Variants in PDS5A observed in about 807,000 individuals in gnomAD.
The protein encoded by PDS5A is sister chromatid cohesion protein PDS5 homolog A.
Under a neutral mutation model 167.1 loss-of-function variants are expected in PDS5A, and 42 were observed. The observed-to-expected ratio is 0.25, with a 90% CI of 0.20 to 0.33. The LOEUF is 0.33. Among genes scored for constraint, PDS5A ranks in the 10% least tolerant of loss-of-function variants. The pLI is 1.00. For missense variants in PDS5A, 1,033 were observed against 1,605.9 expected, an observed-to-expected ratio of 0.64 and a Z score of 6.10; for synonymous variants, 553 against 554.6, an observed-to-expected ratio of 1.00 and a Z score of 0.04.
intron 2 of PDS5A, among the ~76,000 whole-genome samples, chr4:39,960,267 T>C (rs568547892): frequency 6.6e-6 from 1 of 151,996 alleles, no homozygotes; most frequent in Non-Finnish European, 1.5e-5. Context: ...AGACTCTGTC[T>C]CAAAAAACAA....
chr4:39,849,111 C>T, intron 27 of PDS5A, 141 bp from the exon 28 acceptor site: 1 of 668,796 alleles, frequency 1.5e-6, no homozygotes, highest in South Asian at 2.0e-5. Context: ...TATTTCTGTT[C>T]AGCACTGTTT....
chr4:39,946,028 G>A (rs1169304035), intron 2 of PDS5A, among the ~76,000 whole-genome samples: 2 of 151,744 alleles, frequency 1.3e-5, no homozygotes, highest in Admixed American at 6.6e-5. Flanking sequence ...CCAACAAGGC[G>A]AAACCTCGTC....
chr4:39,953,920 A>G (rs1348794430), intron 2 of PDS5A, among the ~76,000 whole-genome samples: 1 of 152,190 alleles, frequency 6.6e-6, no homozygotes, highest in African/African-American at 2.4e-5. Flanking sequence ...TTAAAAGTTC[A>G]TGGGAAACTT....
chr4:39,907,882 G>A (rs11097007), intron 11 of PDS5A, among the ~76,000 whole-genome samples: 37,353 of 152,020 alleles, frequency 0.25, 5,048 homozygotes, highest in East Asian at 0.44. Flanking sequence ...CACCGCGCCC[G>A]GCAATCCATT....
intron 2 of PDS5A, among the ~76,000 whole-genome samples, chr4:39,929,282 C>A (rs1285574009): frequency 9.9e-5 from 15 of 151,818 alleles, no homozygotes. Context: ...GGCAGGTCCA[C>A]TGTTAAGCTG....
At chr4:39,839,614 T>C (rs1023776886) in intron 31 of PDS5A, among the ~76,000 whole-genome samples, 1 of 151,980 alleles carries the variant, frequency 6.6e-6, no homozygotes, top group Non-Finnish European at 1.5e-5. Flanking sequence ...AGAGTTTGGA[T>C]AGGAAAAGTT....
At chr4:39,926,935 T>C in intron 3 of PDS5A, 74 bp from the exon 4 acceptor site, 3 of 1,193,916 alleles carry the variant, frequency 2.5e-6, no homozygotes, top group Non-Finnish European at 2.2e-6. Flanking sequence ...TATGTAACTT[T>C]ATTATTTGTG....
At chr4:39,912,387 G>A (rs993239300) in intron 9 of PDS5A, among the ~76,000 whole-genome samples, 8 of 152,178 alleles carry the variant, frequency 5.3e-5, no homozygotes, top group African/African-American at 1.9e-4. Flanking sequence ...TCCTGGGATA[G>A]GGAATTCCTC....
At chr4:39,904,337 A>T (rs1325720402) in intron 11 of PDS5A, 146 bp from the exon 12 acceptor site, 2 of 475,052 alleles carry the variant, frequency 4.2e-6, no homozygotes, top group Non-Finnish European at 7.2e-6. Flanking sequence ...AGGCTTTACA[A>T]ACAATTTTAT....
chr4:39,921,087 C>T (rs962805252), intron 6 of PDS5A, among the ~76,000 whole-genome samples: 1 of 152,124 alleles, frequency 6.6e-6, no homozygotes, highest in Non-Finnish European at 1.5e-5. Flanking sequence ...AACACCTCTT[C>T]CAAAACAAGG....
intron 31 of PDS5A, among the ~76,000 whole-genome samples, chr4:39,838,909 C>T (rs558270265): frequency 6.6e-6 from 1 of 151,926 alleles, no homozygotes; most frequent in Non-Finnish European, 1.5e-5. Context: ...ATCCCAGCTA[C>T]TCAGGAGGCT....
chr4:39,927,451 C>A (rs994927206), intron 3 of PDS5A, among the ~76,000 whole-genome samples: 1 of 152,082 alleles, frequency 6.6e-6, no homozygotes, highest in Non-Finnish European at 1.5e-5. Context: ...AAGCAGTCTA[C>A]AGGATTAAAA....
At chr4:39,959,067 C>G (rs1729232018) in intron 2 of PDS5A, among the ~76,000 whole-genome samples, 1 of 152,184 alleles carries the variant, frequency 6.6e-6, no homozygotes, top group Non-Finnish European at 1.5e-5. Context: ...AATCAAAATT[C>G]TTAGTGATCT....
At chr4:39,896,220 T>A (rs1000696086) in intron 16 of PDS5A, among the ~76,000 whole-genome samples, 2 of 151,470 alleles carry the variant, frequency 1.3e-5, no homozygotes, top group Non-Finnish European at 2.9e-5. Flanking sequence ...TTTTCTTTAA[T>A]GTTTTGTAGA....
chr4:39,918,599 A>G (rs969990663), intron 7 of PDS5A, among the ~76,000 whole-genome samples: 4 of 152,194 alleles, frequency 2.6e-5, no homozygotes, highest in Admixed American at 6.5e-5. Context: ...CACACCTGTA[A>G]TCGCAGTACT....
At chr4:39,944,939 AC>A (rs1235067189) in intron 2 of PDS5A, among the ~76,000 whole-genome samples, 1 of 152,010 alleles carries the variant, frequency 6.6e-6, no homozygotes, top group Non-Finnish European at 1.5e-5. Flanking sequence ...TATTTTCTTT[AC>A]AAATTCTTAA....
intron 32 of PDS5A, among the ~76,000 whole-genome samples, chr4:39,830,464 G>A (rs1715759323): frequency 6.6e-6 from 1 of 152,078 alleles, no homozygotes; most frequent in Non-Finnish European, 1.5e-5. Flanking sequence ...TCACTCTGTT[G>A]CCCAGGATGG....
intron 2 of PDS5A, among the ~76,000 whole-genome samples, chr4:39,967,927 A>T (rs1730138997): frequency 6.6e-6 from 1 of 152,138 alleles, no homozygotes; most frequent in South Asian, 2.1e-4. Context: ...AAAAACAAAC[A>T]AACAAACAAA....
intron 32 of PDS5A, among the ~76,000 whole-genome samples, chr4:39,832,406 G>T (rs2109470503): frequency 6.6e-6 from 1 of 151,750 alleles, no homozygotes; most frequent in South Asian, 2.1e-4. Flanking sequence ...GTAGAGACGG[G>T]ATTTCACCGT....
Sources: allele counts gnomAD v4.1 joint callset (sites outside exome capture counted in the v4.1 genomes callset), GRCh38; gene constraint gnomAD v4.1.1; transcripts MANE v1.5; gene names NCBI Gene and HGNC (gene_info 2026-07-23, HGNC 2026-07-21).